TENM4: variants seen among roughly 807,000 people sequenced by gnomAD.
TENM4 encodes teneurin-4.
Under a neutral mutation model 243.3 loss-of-function variants are expected in TENM4, and 82 were observed. The observed-to-expected ratio is 0.34, with a 90% CI of 0.28 to 0.40. The LOEUF is 0.40. Ranked by LOEUF, TENM4 falls within the 10% of genes least tolerant of loss-of-function variation. The probability of loss-of-function intolerance (pLI) is 1.00; values close to 1 mark genes in which losing one functional copy is unlikely to be tolerated. For synonymous variants in TENM4, 1,412 were observed against 1,456.3 expected, an observed-to-expected ratio of 0.97 and a Z score of 0.69; for missense variants, 3,138 against 3,673.3, an observed-to-expected ratio of 0.85 and a Z score of 3.77.
At position 78,805,279 on chromosome 11, in the gene TENM4, C is replaced by CCCACCCACCACACCCCA; in HGVS notation, c.2179+12_2179+13insTGGGGTGTGGTGGGTGG. 14 of 1,512,290 alleles carry CCCACCCACCACACCCCA rather than the reference C, an allele frequency of 9.3e-6. No homozygotes were observed. Among genetic ancestry groups the CCCACCCACCACACCCCA allele is most frequent in the Non-Finnish European group, 1.3e-5 (14 of 1,116,990 alleles). 93.7% of individuals were successfully genotyped at this position (1,512,290 alleles called of 1,614,324 possible). A position where few individuals can be genotyped will look rare whatever the true frequency, so the allele number is the denominator to read the frequency against. On this transcript the variant is annotated intron_variant, in intron 15 of 33. Transcript: ENST00000278550. ...CCTCCCTCTACCCATGCTTCTTCTC[C>CCCACCCACCACACCCCA]CCCTGCATTTACCGATAGAACAGTC... is the stretch of plus-strand genomic sequence containing the variant.
At chr11:79,288,395 C>T (rs578198760) in intron 2 of TENM4, among the ~76,000 whole-genome samples, 26 of 152,340 alleles carry the variant, frequency 1.7e-4, no homozygotes, top group African/African-American at 6.0e-4. Flanking sequence ...CCCAGCTCAC[C>T]CACTGGGGTG....
In TENM4 at chr11:78,722,030, A is replaced by C. The variant is rs548349057; in HGVS notation, c.3800+638T>G. The stretch of plus-strand genomic sequence containing the variant: ...TCAGGATGGGGAAAGAGGCTGACTC[A>C]GCTGCTTCTGCAGCACCTGAGGAGC... On this transcript the variant is annotated intron_variant, in intron 24 of 33. Transcript: ENST00000278550. Among the ~76,000 whole-genome samples the C allele has an allele frequency of 3.3e-5, 5 of 152,258 alleles. No homozygotes were observed. The South Asian group carries it at 1.0e-3, about 32-fold the overall frequency.
intron 25 of TENM4, among the ~76,000 whole-genome samples, chr11:78,713,890 C>G (rs957261939): frequency 5.9e-5 from 9 of 152,144 alleles, no homozygotes; most frequent in African/African-American, 1.9e-4. Flanking sequence ...TTCTGAGAAG[C>G]TAATTTTAAG....
chr11:79,024,045 G>A (rs745593151), intron 6 of TENM4, among the ~76,000 whole-genome samples: 64 of 152,218 alleles, frequency 4.2e-4, no homozygotes, highest in Non-Finnish European at 7.9e-4. Context: ...GATTCAACCT[G>A]ATCTATGAGG....
chr11:78,979,326 A>C (rs116071421), intron 6 of TENM4, among the ~76,000 whole-genome samples: 9 of 152,310 alleles, frequency 5.9e-5, no homozygotes, highest in Non-Finnish European at 8.8e-5. Context: ...GCCTTTGGGA[A>C]GTTCCCAGTT....
At chr11:78,717,334 A>T (rs1054907562) in intron 25 of TENM4, among the ~76,000 whole-genome samples, 1 of 152,150 alleles carries the variant, frequency 6.6e-6, no homozygotes, top group Admixed American at 6.5e-5. Context: ...CTTTGTCTCT[A>T]AGTAAGGTCT....
intron 6 of TENM4, among the ~76,000 whole-genome samples, chr11:78,963,026 T>A (rs1196649131): frequency 6.6e-6 from 1 of 152,258 alleles, no homozygotes; most frequent in African/African-American, 2.4e-5. Context: ...ATTTTGTTCA[T>A]GTCTTTATAT....
chr11:78,676,594 T>C (rs1445250955), intron 29 of TENM4, among the ~76,000 whole-genome samples: 1 of 152,234 alleles, frequency 6.6e-6, no homozygotes, highest in Non-Finnish European at 1.5e-5. Context: ...ATATTTTGTA[T>C]GTTTGTAGAT....
intron 6 of TENM4, among the ~76,000 whole-genome samples, chr11:79,031,586 C>A (rs1859238501): frequency 6.6e-6 from 1 of 152,140 alleles, no homozygotes; most frequent in African/African-American, 2.4e-5. Flanking sequence ...AGGCATGCAG[C>A]AGAAGTTTGC....
chr11:79,322,913 A>G (rs1856915248), intron 1 of TENM4, among the ~76,000 whole-genome samples: 1 of 152,258 alleles, frequency 6.6e-6, no homozygotes, highest in Non-Finnish European at 1.5e-5. Flanking sequence ...GTTTTAACCC[A>G]GTACCTTCAC....
intron 6 of TENM4, among the ~76,000 whole-genome samples, chr11:79,011,380 G>C (rs1858636879): frequency 6.6e-6 from 1 of 152,322 alleles, no homozygotes; most frequent in Non-Finnish European, 1.5e-5. Context: ...TCTTACATGG[G>C]AATTTTGGAG....
intron 4 of TENM4, among the ~76,000 whole-genome samples, chr11:79,074,388 C>T (rs1002624803): frequency 6.6e-6 from 1 of 152,180 alleles, no homozygotes; most frequent in African/African-American, 2.4e-5. Context: ...GGGCCCACCT[C>T]AGACCCTGCA....
At chr11:78,869,388 G>GCTTAAAACACAATGTCAGGAAA (rs1859067177) in intron 9 of TENM4, among the ~76,000 whole-genome samples, 1 of 152,104 alleles carries the variant, frequency 6.6e-6, no homozygotes, top group Admixed American at 6.6e-5. Flanking sequence ...ACATAAAAAT[G>GCTTAAAACACAATGTCAGGAAA]ACCTCAGGAT....
intron 6 of TENM4, among the ~76,000 whole-genome samples, chr11:78,913,300 G>A (rs1439751688): frequency 1.3e-5 from 2 of 152,162 alleles, no homozygotes; most frequent in Non-Finnish European, 2.9e-5. Context: ...CATAGAGATG[G>A]ATTAGACAAA....
intron 12 of TENM4, among the ~76,000 whole-genome samples, chr11:78,849,071 C>T (rs983464848): frequency 2.6e-5 from 4 of 152,178 alleles, no homozygotes; most frequent in African/African-American, 7.2e-5. Context: ...CAGGGCACCT[C>T]TGTTATGCTC....
chr11:78,730,368 G>A (rs7123924), intron 21 of TENM4, among the ~76,000 whole-genome samples: 29,016 of 152,100 alleles, frequency 0.19, 3,033 homozygotes, highest in African/African-American at 0.28. Flanking sequence ...ACTACGAGAT[G>A]TTGACCAAAC....
chr11:79,139,721 A>T lies in TENM4; in HGVS notation c.-66+8989T>A, dbSNP rs11828650. ...ATATAATATTTATATAAGTATATAA[A>T]ATATATATTATATTTATATAAATAT... On this transcript the variant is annotated intron_variant, in intron 4 of 33. Coordinates refer to ENST00000278550, the MANE Select transcript of TENM4 (RefSeq NM_001098816.3). Among the ~76,000 whole-genome samples, 136 of 47,706 alleles carry T rather than the reference A, an allele frequency of 2.9e-3. 6 individuals are homozygous for T. Among genetic ancestry groups the T allele is most frequent in the Middle Eastern group, 8.6e-3 (1 of 116 alleles). The allele number at this position is 47,706 out of a possible 152,430, so 31.3% of individuals were successfully genotyped here.
chr11:78,668,906 G>A, intron 32 of TENM4, 31 bp downstream of exon 32: 1 of 1,592,306 alleles, frequency 6.3e-7, no homozygotes, highest in South Asian at 1.1e-5. Context: ...ACTTTATGGG[G>A]TCCTGCCCCT....
intron 3 of TENM4, among the ~76,000 whole-genome samples, chr11:79,156,876 G>A (rs1424827297): frequency 3.3e-5 from 5 of 152,220 alleles, no homozygotes; most frequent in South Asian, 2.1e-4. Context: ...TGAGTCTGGT[G>A]AGACAGCAGA....
Sources: gnomAD v4.1 joint callset for allele counts (sites outside exome capture counted in the v4.1 genomes callset) on GRCh38, gnomAD v4.1.1 for gene constraint, MANE v1.5 for transcripts, NCBI Gene and HGNC (gene_info 2026-07-23, HGNC 2026-07-21) for gene names.